CUL2: variants seen among roughly 807,000 people sequenced by gnomAD.
The protein encoded by CUL2 is cullin-2.
A neutral mutation model predicts 110.2 loss-of-function variants in CUL2; 22 were observed. The observed-to-expected ratio is 0.20, with a 90% CI of 0.14 to 0.28. The LOEUF (loss-of-function observed/expected upper bound fraction) is 0.28. CUL2 is among the 10% of genes least tolerant of loss of function. The pLI is 1.00. For synonymous variants in CUL2, 279 were observed against 293.2 expected (o/e 0.95, Z 0.49); for missense variants, 631 against 905.5 (o/e 0.70, Z 3.89).
intron 1 of CUL2, among the ~76,000 whole-genome samples, chr10:35,074,676 G>A (rs1448583612): frequency 2.0e-5 from 3 of 152,176 alleles, no homozygotes; most frequent in Non-Finnish European, 2.9e-5. Flanking sequence ...AATAGAGACA[G>A]GGTTTCACCA....
chr10:35,115,025 G>A (rs933986941), intron 1 of CUL2, among the ~76,000 whole-genome samples: 27 of 150,742 alleles, frequency 1.8e-4, no homozygotes, highest in African/African-American at 6.6e-4. Context: ...CAGCCTGGCC[G>A]ATATGGCAAA....
intron 5 of CUL2, among the ~76,000 whole-genome samples, chr10:35,050,178 T>C (rs1017020206): frequency 1.3e-5 from 2 of 151,824 alleles, no homozygotes; most frequent in Admixed American, 6.6e-5. Context: ...AAAATGAGCC[T>C]GGTGTGGTGG....
chr10:35,076,675 T>C (rs2086825868), intron 1 of CUL2, among the ~76,000 whole-genome samples: 1 of 152,172 alleles, frequency 6.6e-6, no homozygotes, highest in African/African-American at 2.4e-5. Flanking sequence ...TTTTACATAA[T>C]ATAAACATGG....
intron 1 of CUL2, among the ~76,000 whole-genome samples, chr10:35,114,749 T>C (rs564283437): frequency 3.3e-5 from 5 of 152,126 alleles, no homozygotes; most frequent in Non-Finnish European, 7.4e-5. Context: ...GAGGAAAACA[T>C]GAGCATGGTG....
intron 8 of CUL2, among the ~76,000 whole-genome samples, chr10:35,042,074 GCTCA>G (rs1393987371): frequency 4.6e-5 from 7 of 151,926 alleles, no homozygotes; most frequent in African/African-American, 9.7e-5. Flanking sequence ...ATTAAATAAC[GCTCA>G]CTATGTTGTG....
chr10:35,062,052 T>TA (rs1290267886), intron 3 of CUL2, among the ~76,000 whole-genome samples: 1 of 152,224 alleles, frequency 6.6e-6, no homozygotes, highest in Non-Finnish European at 1.5e-5. Flanking sequence ...TGCCCGTGGT[T>TA]ACAACAGCTA....
intron 1 of CUL2, 104 bp from the exon 2 acceptor site, chr10:35,071,443 C>T (rs780929636): frequency 7.9e-6 from 8 of 1,010,340 alleles, no homozygotes; most frequent in South Asian, 6.3e-5. Flanking sequence ...CTCGCTCTGT[C>T]GCCCAGGCTG....
chr10:35,095,897 T>C (rs2087290827), intron 2 of CUL2, among the ~76,000 whole-genome samples: 1 of 152,122 alleles, frequency 6.6e-6, no homozygotes, highest in African/African-American at 2.4e-5. Context: ...CTACCTTTTA[T>C]TTTGGGATAC....
chr10:35,046,883 ACT>A (rs1467717289), intron 6 of CUL2, among the ~76,000 whole-genome samples: 5 of 147,392 alleles, frequency 3.4e-5, no homozygotes, highest in Admixed American at 1.4e-4. Context: ...ACAGAGTGAG[ACT>A]CTGTCTCAAA....
chr10:35,095,213 A>C (rs1418444363), upstream of CUL2, among the ~76,000 whole-genome samples: 1 of 151,804 alleles, frequency 6.6e-6, no homozygotes, highest in African/African-American at 2.4e-5. Context: ...AATCCCAGCT[A>C]CTCAGGAGGC....
At chr10:35,052,980 A>G (rs772384004) in intron 5 of CUL2, among the ~76,000 whole-genome samples, 2 of 152,206 alleles carry the variant, frequency 1.3e-5, no homozygotes, top group Non-Finnish European at 2.9e-5. Context: ...TTCACAAAAA[A>G]CAAACTTATG....
intron 5 of CUL2, among the ~76,000 whole-genome samples, chr10:35,054,033 C>T (rs1384475521): frequency 6.6e-6 from 1 of 152,082 alleles, no homozygotes; most frequent in South Asian, 2.1e-4. Context: ...AATTGTTTCA[C>T]TCTGAATTTA....
chr10:35,066,709 A>AC (rs2086537283), intron 2 of CUL2, among the ~76,000 whole-genome samples: 1 of 152,246 alleles, frequency 6.6e-6, no homozygotes, highest in African/African-American at 2.4e-5. Context: ...TTTCAAGTGC[A>AC]CAGCTAGTGA....
chr10:35,121,764 C>T (rs913511763), intron 1 of CUL2, among the ~76,000 whole-genome samples: 2 of 149,794 alleles, frequency 1.3e-5, no homozygotes, highest in East Asian at 1.9e-4. Context: ...GAACCATGAT[C>T]GCACTACTGT....
chr10:35,050,569 CA>C (rs1282310074), intron 5 of CUL2, among the ~76,000 whole-genome samples: 14 of 152,274 alleles, frequency 9.2e-5, no homozygotes, highest in Admixed American at 5.9e-4. Flanking sequence ...TCATCATTAC[CA>C]TTGTCCCAGA....
At chr10:35,076,083 T>C (rs909463432) in intron 1 of CUL2, among the ~76,000 whole-genome samples, 2 of 152,188 alleles carry the variant, frequency 1.3e-5, no homozygotes, top group Non-Finnish European at 1.5e-5. Flanking sequence ...TAAATTATTA[T>C]TTGGCAATAC....
intron 16 of CUL2, 145 bp from the exon 17 acceptor site, chr10:35,025,343 G>A: frequency 2.5e-6 from 3 of 1,219,690 alleles, no homozygotes; most frequent in Non-Finnish European, 3.2e-6. Context: ...CTTTTACAGA[G>A]GAGAAAGCAC....
At chr10:35,020,476 T>C (rs1051659526) in intron 17 of CUL2, among the ~76,000 whole-genome samples, 1 of 152,246 alleles carries the variant, frequency 6.6e-6, no homozygotes, top group African/African-American at 2.4e-5. Flanking sequence ...TCTTTTAAGG[T>C]ATGCACAATG....
chr10:35,122,589 C>A (rs1410197042), intron 1 of CUL2, among the ~76,000 whole-genome samples: 1 of 152,130 alleles, frequency 6.6e-6, no homozygotes, highest in Non-Finnish European at 1.5e-5. Flanking sequence ...TAATTTAATT[C>A]ATGTAACTTG....
Sources: gnomAD v4.1 joint callset for allele counts (sites outside exome capture counted in the v4.1 genomes callset) on GRCh38, gnomAD v4.1.1 for gene constraint, MANE v1.5 for transcripts, NCBI Gene and HGNC (gene_info 2026-07-23, HGNC 2026-07-21) for gene names.